SMIM17: variants seen among roughly 807,000 people sequenced by gnomAD.
SMIM17 encodes the protein small integral membrane protein 17.
In SMIM17, 10 loss-of-function variants were observed where a neutral mutation model predicts 12.2. The ratio of observed to expected loss-of-function variants is 0.82; its 90% CI spans 0.50 to 1.39. The LOEUF (loss-of-function observed/expected upper bound fraction) is 1.39, where lower values mean the gene tolerates loss of function less well. Ranked by LOEUF, SMIM17 falls within the 40% of genes most tolerant of loss-of-function variation. SMIM17 has a pLI of 0.00. For missense variants in SMIM17, 136 were observed against 118.2 expected (o/e 1.15, Z -0.70); for synonymous variants, 50 against 44.1 (o/e 1.13, Z -0.53).
intron 3 of SMIM17, among the ~76,000 whole-genome samples, chr19:56,647,893 TC>T (rs2045076493): frequency 6.6e-6 from 1 of 151,996 alleles, no homozygotes; most frequent in African/African-American, 2.4e-5. Flanking sequence ...TCATCTTCTG[TC>T]CACTTATTCA....
At chr19:56,654,970 A>G in intron 3 of SMIM17, 133 bp from the exon 4 acceptor site, 1 of 508,000 alleles carries the variant, frequency 2.0e-6, no homozygotes, top group Non-Finnish European at 3.5e-6. Context: ...ACTCAGTTGT[A>G]CCGTTTTAAA....
intron 3 of SMIM17, 45 bp from the exon 4 acceptor site, chr19:56,655,058 C>T: frequency 1.6e-6 from 1 of 629,838 alleles, no homozygotes; most frequent in Non-Finnish European, 2.9e-6. Context: ...ACAATGGTGG[C>T]CCCTTCCTTT....
intron 3 of SMIM17, among the ~76,000 whole-genome samples, chr19:56,652,579 G>A (rs896415106): frequency 5.3e-5 from 8 of 151,954 alleles, no homozygotes; most frequent in Non-Finnish European, 1.2e-4. Flanking sequence ...TTGAACCCAG[G>A]AGGCACAGGT....
intron 1 of SMIM17, among the ~76,000 whole-genome samples, chr19:56,645,235 G>C (rs113813118): frequency 6.2e-4 from 94 of 152,052 alleles, no homozygotes; most frequent in Admixed American, 1.7e-3. Context: ...GTGTTAGTGT[G>C]TGTGTATGTG....
rs2045147011 is a variant in SMIM17 at position 56,655,913 on chromosome 19, T to C, written c.*700T>C. Reference sequence around the variant, plus strand: ...CAATGTTATCAGTTTATTAATACTTTTTACCTCTTGCATTTATTTTGGCGA... The same window carrying C: ...CAATGTTATCAGTTTATTAATACTTCTTACCTCTTGCATTTATTTTGGCGA... On this transcript the variant is annotated 3_prime_UTR_variant, in exon 4 of 4. Transcript: ENST00000598409. 1 of 152,072 alleles carries C rather than the reference T, an allele frequency of 6.6e-6. No individual in the cohort carries two copies. Among genetic ancestry groups the C allele is most frequent in the African/African-American group, 2.4e-5 (1 of 41,420 alleles). The allele number at this position is 152,072 out of a possible 1,614,324, so 9.4% of individuals were successfully genotyped here.
intron 2 of SMIM17, among the ~76,000 whole-genome samples, chr19:56,646,536 C>A (rs1348959147): frequency 6.6e-6 from 1 of 152,068 alleles, no homozygotes; most frequent in East Asian, 1.9e-4. Context: ...ACGGACCCTC[C>A]CCCCACAGAA....
Position 56,645,565 on chromosome 19 carries a change from C to G in SMIM17, c.-100-3C>G. 1 of 1,084,620 alleles carries G rather than the reference C, an allele frequency of 9.2e-7. No individual in the cohort carries two copies. Among genetic ancestry groups the G allele is most frequent in the Non-Finnish European group, 1.3e-6 (1 of 797,204 alleles). The allele number at this position is 1,084,620 out of a possible 1,614,324, so 67.2% of individuals were successfully genotyped here. On this transcript the variant is annotated splice_region_variant and splice_polypyrimidine_tract_variant and intron_variant, in intron 1 of 3. Coordinates refer to ENST00000598409, the MANE Select transcript of SMIM17 (RefSeq NM_001193628.2). ...ATTCACTGAATGATGAAATGTCCAT[C>G]AGTCCTCAGGTTCTGAATCTTGTGC...
At chr19:56,647,422 A>T (rs2045072613) in intron 2 of SMIM17, 136 bp from the exon 3 acceptor site, 1 of 78,344 alleles carries the variant, frequency 1.3e-5, no homozygotes, top group South Asian at 3.1e-4. Flanking sequence ...AAGGAGGGTG[A>T]GAGAGAGAGA....
chr19:56,643,751 G>C (rs2045041845), intron 1 of SMIM17, among the ~76,000 whole-genome samples: 1 of 152,228 alleles, frequency 6.6e-6, no homozygotes, highest in South Asian at 2.1e-4. Context: ...GCTTTGATCA[G>C]GGGACTTCCC....
rs899500394 is a variant in SMIM17 at position 56,656,157 on chromosome 19, G to T, written c.*944G>T. Among the ~76,000 whole-genome samples, 8 of 151,824 alleles carry T rather than the reference G, an allele frequency of 5.3e-5. No homozygotes were observed. The highest frequency in any genetic ancestry group is 1.0e-4 in the Non-Finnish European group (7 of 67,976). ...GACGGGGTTTCACCGTGTTAGCCAG[G>T]ATGGTCTCGATCTCCTGACCTCGTG... On this transcript the variant is annotated 3_prime_UTR_variant, in exon 4 of 4. Coordinates refer to ENST00000598409, the MANE Select transcript of SMIM17 (RefSeq NM_001193628.2).
chr19:56,653,897 T>G (rs541624445), intron 3 of SMIM17, among the ~76,000 whole-genome samples: 27 of 152,346 alleles, frequency 1.8e-4, no homozygotes, highest in African/African-American at 6.0e-4. Flanking sequence ...TTCACAGGAT[T>G]TTTTTCAGTG....
At chr19:56,647,447 GA>G (rs2045073265) in intron 2 of SMIM17, 110 bp from the exon 3 acceptor site, 3 of 645,360 alleles carry the variant, frequency 4.6e-6, no homozygotes, top group African/African-American at 2.0e-5. Context: ...GAGAGAGAGA[GA>G]GAGGAGGCTA....
chr19:56,650,989 C>T (rs2075958182), intron 3 of SMIM17, among the ~76,000 whole-genome samples: 1 of 152,182 alleles, frequency 6.6e-6, no homozygotes, highest in Admixed American at 6.5e-5. Context: ...AGGGGAGGGC[C>T]TCTCATTGGC....
intron 3 of SMIM17, among the ~76,000 whole-genome samples, chr19:56,650,765 A>G (rs1171599169): frequency 6.6e-6 from 1 of 152,354 alleles, no homozygotes; most frequent in African/African-American, 2.4e-5. Flanking sequence ...GGACAAGCCC[A>G]GGGGCAACAC....
chr19:56,651,587 C>G (rs1242136970), intron 3 of SMIM17, among the ~76,000 whole-genome samples: 1 of 152,080 alleles, frequency 6.6e-6, no homozygotes, highest in Non-Finnish European at 1.5e-5. Context: ...GATCAATGCC[C>G]AGAAATAACC....
intron 3 of SMIM17, among the ~76,000 whole-genome samples, chr19:56,654,264 GT>G (rs1175057149): frequency 1.3e-5 from 2 of 152,200 alleles, no homozygotes; most frequent in Non-Finnish European, 2.9e-5. Context: ...ATAGTGCAGG[GT>G]TAAGGGTATC....
At chr19:56,645,474 C>T in intron 1 of SMIM17, 94 bp from the exon 2 acceptor site, 1 of 456,674 alleles carries the variant, frequency 2.2e-6, no homozygotes, top group Non-Finnish European at 3.7e-6. Context: ...CAGGAATCTC[C>T]ACTTGATTAC....
At chr19:56,648,710 A>G (rs993713521) in intron 3 of SMIM17, among the ~76,000 whole-genome samples, 1 of 152,214 alleles carries the variant, frequency 6.6e-6, no homozygotes, top group Admixed American at 6.5e-5. Flanking sequence ...TTATCCATCC[A>G]CTAATCATCT....
At chr19:56,648,138 CCATCCA>C (rs2045080449) in intron 3 of SMIM17, among the ~76,000 whole-genome samples, 1 of 32,766 alleles carries the variant, frequency 3.1e-5, no homozygotes, top group African/African-American at 1.1e-4. Flanking sequence ...ACTTATCCAT[CCATCCA>C]TCCATCCATC....
Sources: gnomAD v4.1 joint callset for allele counts (sites outside exome capture counted in the v4.1 genomes callset) on GRCh38, gnomAD v4.1.1 for gene constraint, MANE v1.5 for transcripts, NCBI Gene and HGNC (gene_info 2026-07-23, HGNC 2026-07-21) for gene names.